Variants in YARS1 observed in about 807,000 individuals in gnomAD.
The protein encoded by YARS1 is tyrosyl-tRNA synthetase 1.
A neutral mutation model predicts 62.2 loss-of-function variants in YARS1; 36 were observed. The observed-to-expected ratio is 0.58, with a 90% CI of 0.44 to 0.76. YARS1 has a LOEUF of 0.76. Ranked by LOEUF, YARS1 falls within the 30% of genes least tolerant of loss-of-function variation. YARS1 has a pLI of 0.00. For missense variants in YARS1, 524 were observed against 639.8 expected, an observed-to-expected ratio of 0.82 and a Z score of 1.95; for synonymous variants, 234 against 244.9, an observed-to-expected ratio of 0.96 and a Z score of 0.42.
intron 1 of YARS1, among the ~76,000 whole-genome samples, chr1:32,813,178 C>G (rs1312130677): frequency 6.6e-6 from 1 of 152,166 alleles, no homozygotes; most frequent in African/African-American, 2.4e-5. Flanking sequence ...CCTGTAACTT[C>G]TGTCTCCCCA....
chr1:32,797,935 A>C (rs1208383118), intron 4 of YARS1, 92 bp from the exon 5 acceptor site: 1 of 1,095,084 alleles, frequency 9.1e-7, no homozygotes, highest in Non-Finnish European at 1.4e-6. Flanking sequence ...CTGTGGCGTG[A>C]TCTCGGCTCA....
intron 8 of YARS1, chr1:32,782,764 G>A: frequency 1.7e-6 from 1 of 586,938 alleles, no homozygotes; most frequent in East Asian, 3.0e-5. Context: ...GGGTGTTTAG[G>A]AGCTGAATGT....
At chr1:32,788,048 C>T (rs1653295429) in intron 6 of YARS1, among the ~76,000 whole-genome samples, 1 of 152,130 alleles carries the variant, frequency 6.6e-6, no homozygotes, top group Admixed American at 6.5e-5. Context: ...GTTGAAAGTG[C>T]AGTGAGGCAT....
At chr1:32,780,806 A>C (rs1653027896) in intron 10 of YARS1, 1 of 565,288 alleles carries the variant, frequency 1.8e-6, no homozygotes, top group African/African-American at 1.9e-5. Context: ...TTAACAGATA[A>C]ACAAGTTCCC....
chr1:32,808,569 C>G (rs931100611), intron 3 of YARS1, among the ~76,000 whole-genome samples: 5 of 152,090 alleles, frequency 3.3e-5, no homozygotes, highest in African/African-American at 1.2e-4. Flanking sequence ...TTTATCCCAC[C>G]TTCCCATATC....
At chr1:32,793,476 C>A (rs1301159083) in intron 5 of YARS1, among the ~76,000 whole-genome samples, 1 of 151,808 alleles carries the variant, frequency 6.6e-6, no homozygotes, top group Admixed American at 6.6e-5. Flanking sequence ...AATTCCATCT[C>A]CAAAAAAAAA....
At chr1:32,784,752 TA>T (rs1450448846) in intron 8 of YARS1, among the ~76,000 whole-genome samples, 1 of 152,152 alleles carries the variant, frequency 6.6e-6, no homozygotes, top group Non-Finnish European at 1.5e-5. Flanking sequence ...ACACATATGT[TA>T]AAAAACACAT....
At chr1:32,792,163 T>C (rs891996175) in intron 5 of YARS1, among the ~76,000 whole-genome samples, 1 of 152,198 alleles carries the variant, frequency 6.6e-6, no homozygotes, top group Non-Finnish European at 1.5e-5. Context: ...GCAGAGATTT[T>C]GGAGGCTGCA....
At chr1:32,793,812 T>C (rs1653488202) in intron 5 of YARS1, among the ~76,000 whole-genome samples, 1 of 152,120 alleles carries the variant, frequency 6.6e-6, no homozygotes, top group South Asian at 2.1e-4. Context: ...CCTTTAAAAG[T>C]GCCAAAAGAA....
In YARS1 at chr1:32,811,023, A is replaced by G. The variant is rs781102946; in HGVS notation, c.92T>C (p.Leu31Pro). The G allele has an allele frequency of 1.2e-6, 2 of 1,614,176 alleles. No homozygotes were observed. Among genetic ancestry groups the G allele is most frequent in the Non-Finnish European group, 1.7e-6 (2 of 1,180,028 alleles). Residue 31 changes from leucine (L) to proline (P), a missense_variant, in exon 2 of 13, where the codon CTG (leucine) becomes CCG (proline). Leu to Pro is a moderately conservative substitution (Grantham distance 98). Coordinates refer to ENST00000373477, the MANE Select transcript of YARS1 (RefSeq NM_003680.4). Reference sequence around the variant, plus strand: ...GTAAATTTTAAGTTCCCGCTCCTTCAGTATCTCCTTCAGCTTCTCTTCCCC... The same window carrying G: ...GTAAATTTTAAGTTCCCGCTCCTTCGGTATCTCCTTCAGCTTCTCTTCCCC... ...VLGEEKLKEI[L>P]KERELKIYWG...
chr1:32,793,999 G>C (rs953362467), intron 5 of YARS1, among the ~76,000 whole-genome samples: 1 of 152,192 alleles, frequency 6.6e-6, no homozygotes, highest in Non-Finnish European at 1.5e-5. Flanking sequence ...CTGCAGACAA[G>C]AATCAAGAGT....
chr1:32,803,886 G>C (rs532836832), intron 4 of YARS1, among the ~76,000 whole-genome samples: 19 of 152,122 alleles, frequency 1.2e-4, no homozygotes, highest in Non-Finnish European at 1.8e-4. Context: ...AGGACCCTGC[G>C]GCCTTCCGCA....
rs939344954 is a variant in YARS1 at position 32,776,219 on chromosome 1, C to A, written c.1477-128G>T. On this transcript the variant is annotated intron_variant, in intron 12 of 12. Coordinates refer to ENST00000373477, the MANE Select transcript of YARS1 (RefSeq NM_003680.4). This position sits in a 1 kb window ranked among gnomAD's most constrained non-coding sequence, Gnocchi z 4.0. ...CTGGAGTGCAATGGCGTGATCTTGG[C>A]TCACCGCAACCTCTGCCTCCCAGGT... 1.3e-6 allele frequency: 1 copy of A among 780,406 alleles called. No individual in the cohort carries two copies. The allele number at this position is 780,406 out of a possible 1,614,324, so 48.3% of individuals were successfully genotyped here. A position where few individuals can be genotyped will look rare whatever the true frequency, so the allele number is the denominator to read the frequency against.
At position 32,810,731 on chromosome 1, in the gene YARS1, C is replaced by A; in HGVS notation, c.240G>T (p.Leu80=). Residue 80 remains leucine, a synonymous_variant, in exon 3 of 13, where the codon CTG becomes CTT. Transcript: ENST00000373477. The stretch of plus-strand genomic sequence containing the variant: ...GTTCCCATGGGGCTTTCATGTTATC[C>A]AGGTATGCGTGGAGGTCCGCAAACA... ...TILFADLHAY[L]DNMKAPWELL... is the part of the protein sequence containing the mutation. The A allele has an allele frequency of 1.2e-6, 2 of 1,614,122 alleles. No homozygotes were observed. Among genetic ancestry groups the A allele is most frequent in the Non-Finnish European group, 1.7e-6 (2 of 1,180,016 alleles).
chr1:32,812,347 A>C (rs1247333498), intron 1 of YARS1, among the ~76,000 whole-genome samples: 1 of 152,240 alleles, frequency 6.6e-6, no homozygotes, highest in East Asian at 1.9e-4. Context: ...GACCAGCATG[A>C]ACATTAAAAC....
chr1:32,816,551 C>G (rs1638740093), intron 1 of YARS1, among the ~76,000 whole-genome samples: 1 of 152,118 alleles, frequency 6.6e-6, no homozygotes, highest in African/African-American at 2.4e-5. Flanking sequence ...TAAGTGCTTC[C>G]TCATAACTTT....
At chr1:32,790,365 T>G (rs2148606010) in intron 6 of YARS1, among the ~76,000 whole-genome samples, 1 of 149,992 alleles carries the variant, frequency 6.7e-6, no homozygotes, top group African/African-American at 2.4e-5. Context: ...AAAATAAAAT[T>G]AGCCAGGCAT....
intron 12 of YARS1, among the ~76,000 whole-genome samples, chr1:32,778,884 G>A (rs980222889): frequency 3.3e-5 from 5 of 151,638 alleles, no homozygotes; most frequent in African/African-American, 7.3e-5. Flanking sequence ...GATTACAGGC[G>A]CCCACGACCA....
In YARS1 at chr1:32,817,333, G is replaced by A; in HGVS notation, c.-89C>T. 1.9e-6 allele frequency: 3 copies of A among 1,544,008 alleles called. No individual in the cohort carries two copies. Among genetic ancestry groups the A allele is most frequent in the South Asian group, 2.2e-5 (2 of 89,728 alleles). ...GCCGCCGCGTGCCGGGAACTGTCAC[G>A]CGAGTCCAGCCAGGTTGCATCAGCT... On this transcript the variant is annotated 5_prime_UTR_variant, in exon 1 of 13. Coordinates refer to ENST00000373477, the MANE Select transcript of YARS1 (RefSeq NM_003680.4).
Sources: allele counts gnomAD v4.1 joint callset (sites outside exome capture counted in the v4.1 genomes callset), GRCh38; gene constraint gnomAD v4.1.1; non-coding constraint Gnocchi (gnomAD v3.1); transcripts MANE v1.5; gene names NCBI Gene and HGNC (gene_info 2026-07-23, HGNC 2026-07-21).